KCNH1: variants seen among roughly 807,000 people sequenced by gnomAD.
KCNH1 encodes the protein voltage-gated delayed rectifier potassium channel KCNH1.
Under a neutral mutation model 69.2 loss-of-function variants are expected in KCNH1, and 27 were observed. The ratio of observed to expected loss-of-function variants is 0.39; its 90% CI spans 0.29 to 0.54. KCNH1 has a LOEUF of 0.54. Among genes scored for constraint, KCNH1 ranks in the 20% least tolerant of loss-of-function variants. The probability of loss-of-function intolerance (pLI) is 0.68; values close to 1 mark genes in which losing one functional copy is unlikely to be tolerated. For synonymous variants in KCNH1, 456 were observed against 487.7 expected, an observed-to-expected ratio of 0.93 and a Z score of 0.86; for missense variants, 798 against 1,261.6, an observed-to-expected ratio of 0.63 and a Z score of 5.57.
At chr1:210,704,015 C>T (rs1481832371) in intron 10 of KCNH1, among the ~76,000 whole-genome samples, 1 of 152,138 alleles carries the variant, frequency 6.6e-6, no homozygotes, top group East Asian at 1.9e-4. Flanking sequence ...CACACCTCTC[C>T]AGGACTGTCA....
chr1:211,111,867 A>G (rs374079471), intron 1 of KCNH1, among the ~76,000 whole-genome samples: 20 of 35,492 alleles, frequency 5.6e-4, no homozygotes, highest in East Asian at 1.1e-3. Context: ...AGTGAGGAGC[A>G]CCTCTGCTTG....
At chr1:210,806,456 T>G (rs1204028153) in intron 7 of KCNH1, among the ~76,000 whole-genome samples, 1 of 152,138 alleles carries the variant, frequency 6.6e-6, no homozygotes, top group Non-Finnish European at 1.5e-5. Context: ...AAGTCCCTTC[T>G]CAGATAAATG....
At chr1:210,861,824 C>T (rs1685984506) in intron 7 of KCNH1, 2 of 760,012 alleles carry the variant, frequency 2.6e-6, no homozygotes, top group Admixed American at 1.8e-5. Flanking sequence ...TAAGTTTTCA[C>T]AAGCTGATAA....
chr1:211,134,095 T>G lies in KCNH1; in HGVS notation c.-150A>C. On this transcript the variant is annotated 5_prime_UTR_variant, in exon 1 of 11. Transcript: ENST00000271751. This position sits in a 1 kb window ranked among gnomAD's most constrained non-coding sequence, Gnocchi z 5.7. The stretch of plus-strand genomic sequence containing the variant: ...GGCAGGGCTGGCGGCTCCCTCTGGC[T>G]GCTACCCTCGCGCCCTCTTCGCGCC... The G allele has an allele frequency of 1.7e-6, 1 of 602,610 alleles. No individual in the cohort carries two copies. The allele number at this position is 602,610 out of a possible 1,614,324, so 37.3% of individuals were successfully genotyped here. A position where few individuals can be genotyped will look rare whatever the true frequency, so the allele number is the denominator to read the frequency against.
chr1:210,768,230 T>C lies in KCNH1; in HGVS notation c.2112+7118A>G, dbSNP rs562742266. Among the ~76,000 whole-genome samples the C allele has an allele frequency of 2.6e-5, 4 of 152,340 alleles. No individual in the cohort carries two copies. The South Asian group carries it at 8.3e-4, about 32-fold the overall frequency. On this transcript the variant is annotated intron_variant, in intron 10 of 10. Coordinates refer to ENST00000271751, the MANE Select transcript of KCNH1 (RefSeq NM_172362.3). ...ATTATCATCGTCTTCTTTATCATAA[T>C]TATAGCCATATAAACATTGAAAATT...
intron 5 of KCNH1, among the ~76,000 whole-genome samples, chr1:211,052,152 C>T (rs1273935615): frequency 6.6e-6 from 1 of 152,136 alleles, no homozygotes; most frequent in African/African-American, 2.4e-5. Flanking sequence ...AACAGCCCTC[C>T]TAGGGAAAAA....
At chr1:210,837,584 A>G (rs1227304315) in intron 7 of KCNH1, among the ~76,000 whole-genome samples, 1 of 152,190 alleles carries the variant, frequency 6.6e-6, no homozygotes, top group African/African-American at 2.4e-5. Flanking sequence ...AACTAGAATC[A>G]AGTCACTTCA....
chr1:210,716,650 CTG>C (rs766614505), intron 10 of KCNH1, among the ~76,000 whole-genome samples: 5 of 152,184 alleles, frequency 3.3e-5, no homozygotes, highest in African/African-American at 4.8e-5. Context: ...ACTACATTCA[CTG>C]AGGCCTCCTG....
chr1:210,735,898 T>A (rs1240753401), intron 10 of KCNH1, among the ~76,000 whole-genome samples: 1 of 152,148 alleles, frequency 6.6e-6, no homozygotes, highest in Non-Finnish European at 1.5e-5. Flanking sequence ...TTGCCAGAAC[T>A]GTTTATTTGC....
intron 7 of KCNH1, 38 bp from the exon 8 acceptor site, chr1:210,804,204 A>T: frequency 6.5e-7 from 1 of 1,542,800 alleles, no homozygotes; most frequent in Non-Finnish European, 8.8e-7. Context: ...AGAAATAACA[A>T]GTTAGTGGTC....
intron 7 of KCNH1, among the ~76,000 whole-genome samples, chr1:210,862,653 G>T (rs1686004253): frequency 6.6e-6 from 1 of 152,152 alleles, no homozygotes; most frequent in South Asian, 2.1e-4. Flanking sequence ...AATAGTTAGA[G>T]GCAGGATTGA....
chr1:210,963,064 G>A (rs958696222), intron 6 of KCNH1, among the ~76,000 whole-genome samples: 5 of 151,434 alleles, frequency 3.3e-5, no homozygotes, highest in African/African-American at 4.9e-5. Flanking sequence ...TTCCCAAATC[G>A]TAACTTATCT....
chr1:211,021,424 C>T (rs545841217), intron 5 of KCNH1, among the ~76,000 whole-genome samples: 1 of 152,168 alleles, frequency 6.6e-6, no homozygotes, highest in East Asian at 1.9e-4. Context: ...ACAAGAATGC[C>T]CATTTTCACC....
intron 5 of KCNH1, among the ~76,000 whole-genome samples, chr1:211,025,891 T>C (rs1303127474): frequency 1.3e-5 from 2 of 152,172 alleles, no homozygotes; most frequent in African/African-American, 4.8e-5. Flanking sequence ...ATGTGCTTAA[T>C]GCAATGCCCC....
At chr1:210,990,142 A>T (rs1461915352) in intron 6 of KCNH1, among the ~76,000 whole-genome samples, 1 of 152,258 alleles carries the variant, frequency 6.6e-6, no homozygotes, top group Non-Finnish European at 1.5e-5. Context: ...AACTAATTAC[A>T]GCAGCATCTC....
chr1:211,041,448 G>A (rs1454840373), intron 5 of KCNH1, among the ~76,000 whole-genome samples: 1 of 152,028 alleles, frequency 6.6e-6, no homozygotes, highest in East Asian at 1.9e-4. Context: ...TATAACTCAG[G>A]AGCCATTCAC....
intron 7 of KCNH1, among the ~76,000 whole-genome samples, chr1:210,908,695 G>A (rs538468001): frequency 6.6e-6 from 1 of 152,256 alleles, no homozygotes. Context: ...CAAACCGAGT[G>A]ATCTTTAAGA....
At chr1:210,933,431 T>G (rs113882230) in intron 6 of KCNH1, among the ~76,000 whole-genome samples, 3,464 of 152,008 alleles carry the variant, frequency 0.023, 130 homozygotes, top group African/African-American at 0.08. Flanking sequence ...AGTTAATGGG[T>G]GCAGCACACC....
chr1:210,855,378 C>T (rs1204296337), intron 7 of KCNH1, among the ~76,000 whole-genome samples: 1 of 152,184 alleles, frequency 6.6e-6, no homozygotes, highest in Non-Finnish European at 1.5e-5. Flanking sequence ...TTGATTTCCC[C>T]TGTTCCCAAA....
Sources: gnomAD v4.1 joint callset for allele counts (sites outside exome capture counted in the v4.1 genomes callset) on GRCh38, gnomAD v4.1.1 for gene constraint, Gnocchi (gnomAD v3.1) non-coding constraint, MANE v1.5 for transcripts, NCBI Gene and HGNC (gene_info 2026-07-23, HGNC 2026-07-21) for gene names.